EPHA3: variants seen among roughly 807,000 people sequenced by gnomAD.
EPHA3 encodes the protein EPH receptor A3.
Under a neutral mutation model 107.1 loss-of-function variants are expected in EPHA3, and 42 were observed. The observed-to-expected ratio is 0.39, with a 90% CI of 0.31 to 0.51. EPHA3 has a LOEUF of 0.51. EPHA3 is among the 20% of genes least tolerant of loss of function. The pLI is 0.78. For synonymous variants in EPHA3, 461 were observed against 424.8 expected (o/e 1.09, Z -1.05); for missense variants, 1,183 against 1,211.2 (o/e 0.98, Z 0.35).
At chr3:89,259,911 T>C (rs1705375136) in intron 3 of EPHA3, among the ~76,000 whole-genome samples, 1 of 152,212 alleles carries the variant, frequency 6.6e-6, no homozygotes, top group Non-Finnish European at 1.5e-5. Flanking sequence ...AGTGAGATCA[T>C]ACAATATTTT....
chr3:89,448,857 T>A (rs1709930316), intron 13 of EPHA3, among the ~76,000 whole-genome samples: 1 of 152,108 alleles, frequency 6.6e-6, no homozygotes, highest in Admixed American at 6.6e-5. Context: ...GTTAAATCAA[T>A]AAAAGTTGAT....
intron 3 of EPHA3, among the ~76,000 whole-genome samples, chr3:89,286,699 T>G (rs1706091756): frequency 6.6e-6 from 1 of 152,118 alleles, no homozygotes; most frequent in African/African-American, 2.4e-5. Flanking sequence ...TGTAACAGGT[T>G]TTAGGAAGAT....
intron 3 of EPHA3, among the ~76,000 whole-genome samples, chr3:89,279,419 C>T (rs191415887): frequency 1.3e-5 from 2 of 152,068 alleles, no homozygotes; most frequent in East Asian, 1.9e-4. Context: ...TGTTTGCCAT[C>T]ATTAATTAAT....
chr3:89,339,041 C>T lies in EPHA3; in HGVS notation c.815-1875C>T, dbSNP rs374424606. Among the ~76,000 whole-genome samples, 5 of 152,126 alleles carry T rather than the reference C, an allele frequency of 3.3e-5. No individual in the cohort carries two copies. The East Asian group carries it at 5.8e-4, about 18-fold the overall frequency. ...CTAAATAATAACCCTGAGATAATAA[C>T]AGTAAAGGATACGTAGGCACATATA... On this transcript the variant is annotated intron_variant, in intron 3 of 16. Transcript: ENST00000336596.
intron 11 of EPHA3, among the ~76,000 whole-genome samples, chr3:89,428,855 G>C (rs1360084699): frequency 1.3e-5 from 2 of 152,052 alleles, no homozygotes; most frequent in Admixed American, 6.6e-5. Context: ...TACTTGAAAG[G>C]CCTGTCAAAC....
At chr3:89,132,032 T>C (rs772730786) in intron 2 of EPHA3, among the ~76,000 whole-genome samples, 6 of 152,172 alleles carry the variant, frequency 3.9e-5, no homozygotes, top group African/African-American at 9.7e-5. Flanking sequence ...CAGGGATTGG[T>C]TGAAGCAAGT....
At chr3:89,165,134 T>C (rs535269609) in intron 2 of EPHA3, among the ~76,000 whole-genome samples, 3 of 152,176 alleles carry the variant, frequency 2.0e-5, no homozygotes, top group Non-Finnish European at 4.4e-5. Context: ...GTGATTCTAA[T>C]GCAACAACAT....
At chr3:89,274,170 G>A (rs1705748732) in intron 3 of EPHA3, among the ~76,000 whole-genome samples, 2 of 141,586 alleles carry the variant, frequency 1.4e-5, no homozygotes, top group South Asian at 2.2e-4. Flanking sequence ...CAAATACAAA[G>A]TCCCCAAGTA....
At chr3:89,386,173 A>G (rs1171460136) in intron 5 of EPHA3, among the ~76,000 whole-genome samples, 3 of 152,212 alleles carry the variant, frequency 2.0e-5, no homozygotes, top group Non-Finnish European at 4.4e-5. Flanking sequence ...GTGGGGGAGA[A>G]ATTCAAGCTG....
chr3:89,157,373 G>A (rs376519188), intron 2 of EPHA3, among the ~76,000 whole-genome samples: 1 of 151,850 alleles, frequency 6.6e-6, no homozygotes, highest in Non-Finnish European at 1.5e-5. Flanking sequence ...TTATTAACAG[G>A]CACCCCTTCT....
intron 2 of EPHA3, among the ~76,000 whole-genome samples, chr3:89,143,999 C>T (rs1418504277): frequency 6.6e-6 from 1 of 151,466 alleles, no homozygotes; most frequent in Non-Finnish European, 1.5e-5. Flanking sequence ...CCCATTTACC[C>T]CCACAGTTTC....
intron 5 of EPHA3, among the ~76,000 whole-genome samples, chr3:89,350,970 C>G (rs189842439): frequency 1.3e-5 from 2 of 151,368 alleles, no homozygotes; most frequent in Non-Finnish European, 3.0e-5. Flanking sequence ...GGCAGTCTGC[C>G]GGTTCTCAGA....
chr3:89,120,212 T>A (rs1023012284), intron 1 of EPHA3, among the ~76,000 whole-genome samples: 10 of 152,204 alleles, frequency 6.6e-5, no homozygotes, highest in Non-Finnish European at 1.2e-4. Context: ...TCTCTCTGAA[T>A]TGGATGTAAA....
At chr3:89,166,985 C>T (rs2107085892) in intron 2 of EPHA3, among the ~76,000 whole-genome samples, 1 of 152,224 alleles carries the variant, frequency 6.6e-6, no homozygotes, top group African/African-American at 2.4e-5. Context: ...CCCATTTCTC[C>T]TCAAAATGTG....
chr3:89,267,521 C>G (rs965708818), intron 3 of EPHA3, among the ~76,000 whole-genome samples: 14 of 152,210 alleles, frequency 9.2e-5, no homozygotes, highest in Admixed American at 2.6e-4. Flanking sequence ...CCTGCCATTC[C>G]CCCTGGAAGC....
At chr3:89,211,067 C>T (rs1704064666) in intron 3 of EPHA3, among the ~76,000 whole-genome samples, 1 of 152,040 alleles carries the variant, frequency 6.6e-6, no homozygotes, top group Admixed American at 6.6e-5. Context: ...AAATCCAGAG[C>T]TGATGCTTCA....
At chr3:89,438,634 G>T (rs928878599) in intron 13 of EPHA3, among the ~76,000 whole-genome samples, 1 of 152,222 alleles carries the variant, frequency 6.6e-6, no homozygotes, top group South Asian at 2.1e-4. Flanking sequence ...AGTAATATAT[G>T]TCGCATGTCA....
chr3:89,309,213 T>A (rs1706706090), intron 3 of EPHA3, among the ~76,000 whole-genome samples: 1 of 152,026 alleles, frequency 6.6e-6, no homozygotes, highest in Non-Finnish European at 1.5e-5. Flanking sequence ...AATGAATGGG[T>A]ATAAGAAAGT....
chr3:89,164,841 G>C (rs1445125146), intron 2 of EPHA3, among the ~76,000 whole-genome samples: 2 of 152,174 alleles, frequency 1.3e-5, no homozygotes, highest in African/African-American at 4.8e-5. Flanking sequence ...GACTAGAAGA[G>C]AGTGTTTAAT....
Sources: allele counts gnomAD v4.1 joint callset (sites outside exome capture counted in the v4.1 genomes callset), GRCh38; gene constraint gnomAD v4.1.1; transcripts MANE v1.5; gene names NCBI Gene and HGNC (gene_info 2026-07-23, HGNC 2026-07-21).